Variants in EBF1 observed in about 807,000 individuals in gnomAD.
EBF1 encodes the protein EBF transcription factor 1, also known as transcription factor COE1.
Under a neutral mutation model 68.4 loss-of-function variants are expected in EBF1, and 10 were observed. That is an observed-to-expected ratio of 0.15 (90% CI 0.09 to 0.25). The LOEUF is 0.25. Among genes scored for constraint, EBF1 ranks in the 10% least tolerant of loss-of-function variants. The pLI is 1.00. For synonymous variants in EBF1, 298 were observed against 299.8 expected (o/e 0.99, Z 0.06); for missense variants, 509 against 794.4 (o/e 0.64, Z 4.32).
chr5:158,723,911 G>A (rs1014797596), intron 11 of EBF1, among the ~76,000 whole-genome samples: 1 of 152,096 alleles, frequency 6.6e-6, no homozygotes, highest in African/African-American at 2.4e-5. Flanking sequence ...GCATTTGTGT[G>A]TGCATGTTCA....
chr5:158,921,464 A>G (rs1808422479), intron 6 of EBF1, among the ~76,000 whole-genome samples: 1 of 152,166 alleles, frequency 6.6e-6, no homozygotes, highest in Non-Finnish European at 1.5e-5. Flanking sequence ...TAATTGGGCT[A>G]TTTTGGCATT....
intron 6 of EBF1, among the ~76,000 whole-genome samples, chr5:158,848,953 G>A (rs950044615): frequency 7.9e-5 from 12 of 152,130 alleles, no homozygotes; most frequent in African/African-American, 1.7e-4. Context: ...ACAAATGTTC[G>A]TTGTCACACA....
chr5:158,789,168 G>A (rs1000672263), intron 9 of EBF1, among the ~76,000 whole-genome samples: 4 of 151,532 alleles, frequency 2.6e-5, no homozygotes, highest in Middle Eastern at 3.4e-3. Context: ...TATAATAGAT[G>A]GTCAATAAGC....
intron 5 of EBF1, among the ~76,000 whole-genome samples, chr5:159,084,111 A>T (rs1441795898): frequency 6.6e-6 from 1 of 152,062 alleles, no homozygotes; most frequent in African/African-American, 2.4e-5. Flanking sequence ...TCTGCGAAGT[A>T]TTGGCTACAT....
intron 9 of EBF1, among the ~76,000 whole-genome samples, chr5:158,794,756 G>T (rs1438862987): frequency 6.6e-6 from 1 of 152,188 alleles, no homozygotes; most frequent in African/African-American, 2.4e-5. Flanking sequence ...GGGACAGTCT[G>T]TCCTCATGAG....
At chr5:159,087,393 TAC>T in intron 4 of EBF1, among the ~76,000 whole-genome samples, 1 of 138,234 alleles carries the variant, frequency 7.2e-6, no homozygotes, top group Middle Eastern at 3.6e-3. Flanking sequence ...CACATATATA[TAC>T]ATATATATAC....
intron 6 of EBF1, among the ~76,000 whole-genome samples, chr5:158,864,846 G>A (rs1795597783): frequency 6.6e-6 from 1 of 152,166 alleles, no homozygotes; most frequent in African/African-American, 2.4e-5. Context: ...GAGCGAGGAG[G>A]GAGGTGATGC....
At chr5:158,786,962 A>G (rs1777573691) in intron 9 of EBF1, among the ~76,000 whole-genome samples, 1 of 152,098 alleles carries the variant, frequency 6.6e-6, no homozygotes, top group East Asian at 1.9e-4. Flanking sequence ...CGATACAGAG[A>G]CTCACTCTAA....
intron 10 of EBF1, among the ~76,000 whole-genome samples, chr5:158,747,330 A>ATT (rs1334664758): frequency 1.3e-5 from 2 of 152,198 alleles, no homozygotes; most frequent in African/African-American, 4.8e-5. Context: ...TCCTTTGGAT[A>ATT]CCCCAAAAGG....
intron 6 of EBF1, among the ~76,000 whole-genome samples, chr5:158,859,792 A>C (rs932941151): frequency 3.3e-5 from 5 of 152,202 alleles, no homozygotes; most frequent in Non-Finnish European, 5.9e-5. Flanking sequence ...CCTTGATCAC[A>C]TTGGCCAGAA....
chr5:158,907,221 A>G (rs910413466), intron 6 of EBF1, among the ~76,000 whole-genome samples: 6 of 152,222 alleles, frequency 3.9e-5, no homozygotes, highest in Admixed American at 1.3e-4. Flanking sequence ...AAAACAGTGG[A>G]GCGAAGGTGA....
At chr5:158,749,662 T>G (rs2127588838) in intron 10 of EBF1, among the ~76,000 whole-genome samples, 1 of 152,220 alleles carries the variant, frequency 6.6e-6, no homozygotes, top group Non-Finnish European at 1.5e-5. Context: ...GTTTAGGATT[T>G]GGGGAAAACA....
At chr5:158,859,042 C>T (rs1374373287) in intron 6 of EBF1, among the ~76,000 whole-genome samples, 1 of 152,130 alleles carries the variant, frequency 6.6e-6, no homozygotes, top group African/African-American at 2.4e-5. Flanking sequence ...CATTGCCAGC[C>T]AACAACATGT....
At chr5:158,847,904 C>T (rs1375499057) in intron 6 of EBF1, among the ~76,000 whole-genome samples, 1 of 152,194 alleles carries the variant, frequency 6.6e-6, no homozygotes, top group East Asian at 1.9e-4. Flanking sequence ...TTCTGGATTA[C>T]TGGTGTAAAT....
At chr5:159,088,239 C>T (rs1394803658) in intron 4 of EBF1, among the ~76,000 whole-genome samples, 1 of 152,100 alleles carries the variant, frequency 6.6e-6, no homozygotes, top group Non-Finnish European at 1.5e-5. Flanking sequence ...TGATTGGATC[C>T]AGCATAGGAA....
intron 5 of EBF1, 48 bp from the exon 6 acceptor site, chr5:159,073,512 A>G: frequency 1.2e-6 from 2 of 1,606,586 alleles, no homozygotes; most frequent in Non-Finnish European, 1.7e-6. Flanking sequence ...ACAATGTAAA[A>G]TCATCATTTA....
intron 6 of EBF1, among the ~76,000 whole-genome samples, chr5:159,014,694 C>T (rs1583948671): frequency 6.6e-6 from 1 of 152,294 alleles, no homozygotes; most frequent in South Asian, 2.1e-4. Flanking sequence ...CTGTATTTCT[C>T]AAACTTCCTT....
At chr5:158,935,000 C>A (rs1437518625) in intron 6 of EBF1, among the ~76,000 whole-genome samples, 1 of 152,180 alleles carries the variant, frequency 6.6e-6, no homozygotes, top group African/African-American at 2.4e-5. Flanking sequence ...AGGGTGCAAC[C>A]CAGGCAGGCT....
At chr5:158,837,103 C>T (rs1297060531) in intron 7 of EBF1, among the ~76,000 whole-genome samples, 11 of 152,178 alleles carry the variant, frequency 7.2e-5, no homozygotes, top group Admixed American at 7.2e-4. Context: ...ATCAGTAGTT[C>T]TCAGTCAGGG....
Sources: allele counts gnomAD v4.1 joint callset (sites outside exome capture counted in the v4.1 genomes callset), GRCh38; gene constraint gnomAD v4.1.1; transcripts MANE v1.5; gene names NCBI Gene and HGNC (gene_info 2026-07-23, HGNC 2026-07-21).